The following CALD1 variants were observed in gnomAD, a reference collection of about 807,000 sequenced individuals.
CALD1 encodes the protein caldesmon 1.
Under a neutral mutation model 99.9 loss-of-function variants are expected in CALD1, and 33 were observed. The ratio of observed to expected loss-of-function variants is 0.33; its 90% CI spans 0.25 to 0.44. The LOEUF (loss-of-function observed/expected upper bound fraction) is 0.44, where lower values mean the gene tolerates loss of function less well. Ranked by LOEUF, CALD1 falls within the 20% of genes least tolerant of loss-of-function variation. The probability of loss-of-function intolerance (pLI) is 1.00; values close to 1 mark genes in which losing one functional copy is unlikely to be tolerated. For missense variants in CALD1, 861 were observed against 962.1 expected (o/e 0.89, Z 1.39); for synonymous variants, 310 against 325.0 (o/e 0.95, Z 0.50).
chr7:134,826,716 T>C (rs1799013730), intron 1 of CALD1, among the ~76,000 whole-genome samples: 1 of 152,200 alleles, frequency 6.6e-6, no homozygotes, highest in African/African-American at 2.4e-5. Flanking sequence ...TCCTGGATTA[T>C]TCTTTCATTT....
intron 1 of CALD1, among the ~76,000 whole-genome samples, chr7:134,786,385 A>ACCT (rs1380676895): frequency 2.0e-5 from 3 of 152,242 alleles, no homozygotes; most frequent in African/African-American, 4.8e-5. Flanking sequence ...AGTGGACTTA[A>ACCT]AACATATAAT....
At chr7:134,718,608 A>C in the CALD1 span, among the ~76,000 whole-genome samples, 1 of 152,200 alleles carries the variant, frequency 6.6e-6, no homozygotes, top group Admixed American at 6.5e-5. Context: ...GATGATTTAT[A>C]AAAGGCTTGT....
At chr7:134,814,431 T>G (rs1384256769) in intron 1 of CALD1, among the ~76,000 whole-genome samples, 1 of 152,144 alleles carries the variant, frequency 6.6e-6, no homozygotes, top group Non-Finnish European at 1.5e-5. Context: ...TCTTGCAGAA[T>G]GTAAGGCATC....
At chr7:134,819,181 G>A (rs1798674610) in intron 1 of CALD1, among the ~76,000 whole-genome samples, 1 of 152,172 alleles carries the variant, frequency 6.6e-6, no homozygotes, top group African/African-American at 2.4e-5. Context: ...GAACATGCTA[G>A]AACATGAATG....
chr7:134,930,856 C>T (rs1191775987), intron 4 of CALD1, among the ~76,000 whole-genome samples: 2 of 152,138 alleles, frequency 1.3e-5, no homozygotes, highest in African/African-American at 4.8e-5. Context: ...GGGAGGGCAA[C>T]GTAGTCATTC....
rs6945667 is a variant in CALD1, at chr7:134,902,274, T to C, written c.72-26480T>C. Among the ~76,000 whole-genome samples, 205 of 152,232 alleles carry C rather than the reference T, an allele frequency of 1.3e-3. 4 individuals are homozygous for C. The highest frequency in any genetic ancestry group is 4.7e-3 in the African/African-American group (197 of 41,492). On this transcript the variant is annotated intron_variant, in intron 3 of 14. Transcript: ENST00000361675. ...CAACCAGGAAGTGTGTGCATGTCCATTCACCCCAAAGGAAACAGCCTTGCA... is the reference window on the plus strand; with the variant it reads ...CAACCAGGAAGTGTGTGCATGTCCACTCACCCCAAAGGAAACAGCCTTGCA...
At chr7:134,909,624 A>G (rs1365600769) in intron 3 of CALD1, among the ~76,000 whole-genome samples, 1 of 152,206 alleles carries the variant, frequency 6.6e-6, no homozygotes, top group East Asian at 1.9e-4. Context: ...TGGAAATTGC[A>G]GTGAGCCAAG....
chr7:134,810,580 C>T (rs1320239415), intron 1 of CALD1, among the ~76,000 whole-genome samples: 2 of 152,150 alleles, frequency 1.3e-5, no homozygotes, highest in Non-Finnish European at 2.9e-5. Context: ...ATCAGAGGAT[C>T]AAACCATTGA....
At chr7:134,752,580 G>A (rs1437947198) in intron 1 of CALD1, among the ~76,000 whole-genome samples, 1 of 152,184 alleles carries the variant, frequency 6.6e-6, no homozygotes, top group African/African-American at 2.4e-5. Context: ...GGCTCGGGGA[G>A]ATAAATGTGT....
At chr7:134,777,335 T>G (rs993190117), upstream of CALD1, among the ~76,000 whole-genome samples, 1 of 152,228 alleles carries the variant, frequency 6.6e-6, no homozygotes, top group South Asian at 2.1e-4. Context: ...TGGTCACTCA[T>G]CTACTATACC....
chr7:134,821,832 C>T (rs555532033), intron 1 of CALD1, among the ~76,000 whole-genome samples: 2 of 152,066 alleles, frequency 1.3e-5, no homozygotes, highest in South Asian at 2.1e-4. Context: ...CTGCCCACCT[C>T]GGCCTCCCAA....
chr7:134,724,324 A>G, the CALD1 span, among the ~76,000 whole-genome samples: 1 of 152,240 alleles, frequency 6.6e-6, no homozygotes, highest in African/African-American at 2.4e-5. Context: ...TAACCAGCTT[A>G]GCTGGGAAAG....
intron 1 of CALD1, among the ~76,000 whole-genome samples, chr7:134,824,457 C>T (rs1798906195): frequency 1.3e-5 from 2 of 151,940 alleles, no homozygotes; most frequent in South Asian, 2.1e-4. Context: ...TCCTTCTTCT[C>T]CTTCTTCTCC....
At chr7:134,967,541 G>T (rs979807763) in intron 14 of CALD1, among the ~76,000 whole-genome samples, 1 of 152,098 alleles carries the variant, frequency 6.6e-6, no homozygotes, top group African/African-American at 2.4e-5. Flanking sequence ...GGGTAGGGGT[G>T]TAAGAATAGG....
chr7:134,765,810 T>C (rs10954470), intron 1 of CALD1, among the ~76,000 whole-genome samples: 63,640 of 151,760 alleles, frequency 0.42, 14,347 homozygotes, highest in East Asian at 0.73. Flanking sequence ...TTTAGCACCA[T>C]CTTCTTGGTG....
At chr7:134,763,478 T>C (rs962718604) in intron 1 of CALD1, among the ~76,000 whole-genome samples, 5 of 152,080 alleles carry the variant, frequency 3.3e-5, no homozygotes, top group African/African-American at 1.2e-4. Flanking sequence ...CCACCACAGA[T>C]TGCTGGAGCC....
chr7:134,892,979 G>C (rs1802315607), intron 3 of CALD1, among the ~76,000 whole-genome samples: 1 of 151,328 alleles, frequency 6.6e-6, no homozygotes, highest in Non-Finnish European at 1.5e-5. Context: ...CTTCATTTCA[G>C]ATGAGGAAAC....
At chr7:134,784,806 T>C (rs1279186231) in intron 1 of CALD1, among the ~76,000 whole-genome samples, 2 of 152,134 alleles carry the variant, frequency 1.3e-5, no homozygotes, top group African/African-American at 2.4e-5. Flanking sequence ...CCGCGGTCCA[T>C]GGATATTTAC....
At chr7:134,779,617 GT>G, upstream of CALD1, 1 of 398,768 alleles carries the variant, frequency 2.5e-6, no homozygotes, top group Non-Finnish European at 4.4e-6. Flanking sequence ...GCGGTCTGGA[GT>G]TTTATTGAAT....
Sources: gnomAD v4.1 joint callset for allele counts (sites outside exome capture counted in the v4.1 genomes callset) on GRCh38, gnomAD v4.1.1 for gene constraint, MANE v1.5 for transcripts, NCBI Gene and HGNC (gene_info 2026-07-23, HGNC 2026-07-21) for gene names.